Variants in TENM2 observed in about 807,000 individuals in gnomAD.
TENM2 encodes the protein teneurin transmembrane protein 2, also known as teneurin-2.
A neutral mutation model predicts 245.2 loss-of-function variants in TENM2; 52 were observed. The observed-to-expected ratio is 0.21, with a 90% CI of 0.17 to 0.27. The LOEUF (loss-of-function observed/expected upper bound fraction) is 0.27. Ranked by LOEUF, TENM2 falls within the 10% of genes least tolerant of loss-of-function variation. TENM2 has a pLI of 1.00. For missense variants in TENM2, 3,046 were observed against 3,666.8 expected, an observed-to-expected ratio of 0.83 and a Z score of 4.37; for synonymous variants, 1,363 against 1,438.9, an observed-to-expected ratio of 0.95 and a Z score of 1.19.
chr5:167,507,556 A>AT (rs1382224842), intron 2 of TENM2, among the ~76,000 whole-genome samples: 4 of 152,206 alleles, frequency 2.6e-5, no homozygotes, highest in African/African-American at 9.7e-5. Context: ...ATTCGAGATG[A>AT]ATGTAGGCTT....
chr5:167,526,165 T>C (rs913715919), intron 2 of TENM2, among the ~76,000 whole-genome samples: 3 of 151,960 alleles, frequency 2.0e-5, no homozygotes, highest in Admixed American at 1.3e-4. Flanking sequence ...TGCATAGCAA[T>C]GTCTAGTGCC....
At chr5:168,084,410 G>A (rs1019514071) in intron 7 of TENM2, among the ~76,000 whole-genome samples, 1 of 152,192 alleles carries the variant, frequency 6.6e-6, no homozygotes, top group African/African-American at 2.4e-5. Context: ...TCACAGCCAT[G>A]CCAGCATGTT....
At chr5:168,238,225 AAAAG>A (rs1254186686) in intron 25 of TENM2, among the ~76,000 whole-genome samples, 7 of 66,632 alleles carry the variant, frequency 1.1e-4, no homozygotes, top group Non-Finnish European at 1.9e-4. Flanking sequence ...GAGAGAGAAG[AAAAG>A]AAAAGAAAAG....
chr5:167,605,691 A>G (rs1776986437), intron 2 of TENM2, among the ~76,000 whole-genome samples: 2 of 152,218 alleles, frequency 1.3e-5, no homozygotes, highest in South Asian at 2.1e-4. Context: ...CTGCAGGTAT[A>G]TATACATTTA....
intron 9 of TENM2, among the ~76,000 whole-genome samples, chr5:168,115,350 GGGAAGGAAGGGAAGGAAGGAA>G (rs1285637001): frequency 2.5e-5 from 2 of 80,590 alleles, no homozygotes; most frequent in Admixed American, 1.9e-4. Flanking sequence ...AAGGAAAGGA[GGGAAGGAAGGGAAGGAAGGAA>G]GGAAGGAAGG....
chr5:167,312,599 C>CA lies in TENM2; in HGVS notation c.226+27544dup, dbSNP rs998265225. Among the ~76,000 whole-genome samples the CA allele has an allele frequency of 2.6e-4, 39 of 149,700 alleles. No individual in the cohort carries two copies. The Middle Eastern group carries it at 0.014, about 52-fold the overall frequency. ...GCTGTATCATGATATGAGAAACGAA[C>CA]AAAAAAAAGAAATGATTTCTGATTC... is the stretch of plus-strand genomic sequence containing the variant. On this transcript the variant is annotated intron_variant, in intron 1 of 28. Coordinates refer to ENST00000518659, the Ensembl canonical transcript of TENM2.
intron 2 of TENM2, among the ~76,000 whole-genome samples, chr5:167,872,846 T>C (rs1773102824): frequency 1.3e-5 from 2 of 152,258 alleles, no homozygotes; most frequent in Admixed American, 1.3e-4. Flanking sequence ...AATGAATTCA[T>C]GCTGAACAAA....
At chr5:167,467,075 T>C (rs1394826595) in intron 2 of TENM2, among the ~76,000 whole-genome samples, 1 of 152,204 alleles carries the variant, frequency 6.6e-6, no homozygotes, top group Non-Finnish European at 1.5e-5. Context: ...CTCACTGTTA[T>C]GGCTTGGTAG....
At chr5:167,775,756 G>A (rs568709337) in intron 2 of TENM2, among the ~76,000 whole-genome samples, 3 of 151,870 alleles carry the variant, frequency 2.0e-5, no homozygotes, top group Admixed American at 2.0e-4. Flanking sequence ...ATATACAAGT[G>A]AATACAATGC....
chr5:167,170,593 G>A, the TENM2 span, among the ~76,000 whole-genome samples: 6 of 152,054 alleles, frequency 3.9e-5, no homozygotes, highest in African/African-American at 1.2e-4. Context: ...ACTCTCATTG[G>A]GAATTTTATG....
chr5:167,726,688 G>A (rs972562449), intron 2 of TENM2, among the ~76,000 whole-genome samples: 1 of 152,038 alleles, frequency 6.6e-6, no homozygotes, highest in Non-Finnish European at 1.5e-5. Context: ...TGAACTCCTG[G>A]CCTCAAAGGA....
chr5:168,254,569 A>G (rs987059996), intron 27 of TENM2, among the ~76,000 whole-genome samples: 1 of 152,088 alleles, frequency 6.6e-6, no homozygotes, highest in African/African-American at 2.4e-5. Context: ...AGGAAGAAGA[A>G]GAGAAAGAAG....
intron 2 of TENM2, among the ~76,000 whole-genome samples, chr5:167,632,639 T>C (rs1262444231): frequency 6.6e-6 from 1 of 152,162 alleles, no homozygotes; most frequent in African/African-American, 2.4e-5. Context: ...CACACCAGTA[T>C]AGGTGACTGG....
chr5:167,467,520 A>G (rs75644103), intron 2 of TENM2, among the ~76,000 whole-genome samples: 1 of 43,424 alleles, frequency 2.3e-5, no homozygotes, highest in Non-Finnish European at 5.6e-5. Context: ...GTTTGAGAAA[A>G]AAAAAAAAAA....
At chr5:167,952,098 C>T (rs1780158670) in intron 3 of TENM2, among the ~76,000 whole-genome samples, 1 of 152,190 alleles carries the variant, frequency 6.6e-6, no homozygotes, top group Non-Finnish European at 1.5e-5. Context: ...CCTTAGCTAG[C>T]CCACTCCACC....
intron 19 of TENM2, among the ~76,000 whole-genome samples, chr5:168,205,792 A>C (rs576334992): frequency 7.9e-5 from 12 of 152,218 alleles, no homozygotes; most frequent in Non-Finnish European, 1.3e-4. Flanking sequence ...CAAGCAATGG[A>C]GGTTGAAGTA....
chr5:167,071,278 A>G, the TENM2 span, among the ~76,000 whole-genome samples: 1 of 152,192 alleles, frequency 6.6e-6, no homozygotes, highest in Non-Finnish European at 1.5e-5. Flanking sequence ...ACTAATATTC[A>G]AGAGAGTTTA....
At chr5:168,069,667 G>A (rs1790812801) in intron 7 of TENM2, among the ~76,000 whole-genome samples, 1 of 152,202 alleles carries the variant, frequency 6.6e-6, no homozygotes, top group African/African-American at 2.4e-5. Context: ...AACTGAGACA[G>A]AGGTTATGGG....
chr5:167,494,534 G>C (rs1157677470), intron 2 of TENM2, among the ~76,000 whole-genome samples: 1 of 151,936 alleles, frequency 6.6e-6, no homozygotes, highest in Non-Finnish European at 1.5e-5. Flanking sequence ...TCATTCATTC[G>C]ACAATCACTG....
Sources: gnomAD v4.1 joint callset for allele counts (sites outside exome capture counted in the v4.1 genomes callset) on GRCh38, gnomAD v4.1.1 for gene constraint, MANE v1.5 for transcripts, NCBI Gene and HGNC (gene_info 2026-07-23, HGNC 2026-07-21) for gene names.